The following SOBP variants were observed in gnomAD, a reference collection of about 807,000 sequenced individuals.
SOBP encodes sine oculis-binding protein homolog.
In SOBP, 4 loss-of-function variants were observed where a neutral mutation model predicts 53.6. The observed-to-expected ratio is 0.07, with a 90% CI of 0.04 to 0.17. The LOEUF (loss-of-function observed/expected upper bound fraction) is 0.17, where lower values mean the gene tolerates loss of function less well. SOBP is among the 10% of genes least tolerant of loss of function. SOBP has a pLI of 1.00. For missense variants in SOBP, 1,088 were observed against 1,204.7 expected (o/e 0.90, Z 1.43); for synonymous variants, 584 against 522.6 (o/e 1.12, Z -1.60).
rs1480185762 is a variant in SOBP, at chr6:107,490,277, G to T, written c.-340G>T. On this transcript the variant is annotated 5_prime_UTR_variant, in exon 1 of 7. Coordinates refer to ENST00000317357, the MANE Select transcript of SOBP (RefSeq NM_018013.4). The stretch of plus-strand genomic sequence containing the variant: ...GCCCGGCGGCGGCGGCGGCGGGAGC[G>T]GCAGCGGCAGCGAGGGCGGCAGGGG... 2 of 145,974 alleles carry T rather than the reference G, an allele frequency of 1.4e-5. No individual in the cohort carries two copies. Among genetic ancestry groups the T allele is most frequent in the East Asian group, 2.0e-4 (1 of 4,944 alleles). 9.0% of individuals were successfully genotyped at this position (145,974 alleles called of 1,614,324 possible). A position where few individuals can be genotyped will look rare whatever the true frequency, so the allele number is the denominator to read the frequency against.
intron 1 of SOBP, among the ~76,000 whole-genome samples, chr6:107,499,359 T>C (rs190047443): frequency 1.3e-5 from 2 of 152,300 alleles, no homozygotes; most frequent in Non-Finnish European, 2.9e-5. Context: ...ACCTAACACA[T>C]AGGGTTATTG....
chr6:107,507,586 G>A (rs146944020), intron 3 of SOBP, among the ~76,000 whole-genome samples: 1,945 of 152,252 alleles, frequency 0.013, 15 homozygotes, highest in Non-Finnish European at 0.02. Flanking sequence ...GATTACAGGT[G>A]TGAGCCACCA....
chr6:107,575,118 A>C (rs1214901462), intron 4 of SOBP, among the ~76,000 whole-genome samples: 1 of 152,140 alleles, frequency 6.6e-6, no homozygotes, highest in Admixed American at 6.5e-5. Context: ...TCAGAGCCCA[A>C]CTTTGCCTTT....
At chr6:107,495,211 TTAG>T (rs1230627144) in intron 1 of SOBP, among the ~76,000 whole-genome samples, 1 of 152,142 alleles carries the variant, frequency 6.6e-6, no homozygotes, top group Non-Finnish European at 1.5e-5. Flanking sequence ...GGGACTAATG[TTAG>T]TGGGCACATA....
chr6:107,499,243 T>G (rs1287819243), intron 1 of SOBP, among the ~76,000 whole-genome samples: 1 of 152,208 alleles, frequency 6.6e-6, no homozygotes. Context: ...GTTTTGACTT[T>G]ACTAGATCTC....
chr6:107,655,726 C>A (rs1772005037), intron 6 of SOBP, among the ~76,000 whole-genome samples: 1 of 152,096 alleles, frequency 6.6e-6, no homozygotes, highest in African/African-American at 2.4e-5. Flanking sequence ...GTTAAGGTTC[C>A]AGAATGGCTC....
At chr6:107,507,691 T>C (rs1783038307) in intron 3 of SOBP, among the ~76,000 whole-genome samples, 1 of 152,172 alleles carries the variant, frequency 6.6e-6, no homozygotes, top group Admixed American at 6.5e-5. Flanking sequence ...CTTCTTCCAA[T>C]GTGGCCCAGG....
At chr6:107,630,493 A>G (rs1407757587) in intron 5 of SOBP, among the ~76,000 whole-genome samples, 3 of 152,174 alleles carry the variant, frequency 2.0e-5, no homozygotes, top group Non-Finnish European at 2.9e-5. Context: ...GAAGTGTGTC[A>G]TTAGTTAGAT....
At chr6:107,530,216 GAA>G (rs1299590382) in intron 3 of SOBP, among the ~76,000 whole-genome samples, 1 of 151,346 alleles carries the variant, frequency 6.6e-6, no homozygotes, top group Non-Finnish European at 1.5e-5. Context: ...TTTTTAAGTA[GAA>G]AAAAAAATTT....
chr6:107,600,656 T>C (rs1444549090), intron 5 of SOBP, among the ~76,000 whole-genome samples: 1 of 152,232 alleles, frequency 6.6e-6, no homozygotes, highest in Non-Finnish European at 1.5e-5. Context: ...ATAAAGGCCT[T>C]GGAATCAGTT....
chr6:107,639,133 C>T (rs1296859444), intron 6 of SOBP, among the ~76,000 whole-genome samples: 1 of 152,124 alleles, frequency 6.6e-6, no homozygotes, highest in Non-Finnish European at 1.5e-5. Context: ...AAACTCCTGA[C>T]CTCAAGTGAT....
intron 4 of SOBP, among the ~76,000 whole-genome samples, chr6:107,535,876 A>G (rs1474917534): frequency 6.6e-6 from 1 of 152,148 alleles, no homozygotes; most frequent in African/African-American, 2.4e-5. Flanking sequence ...ACTGCTTGTA[A>G]TAAGCCCCTG....
In SOBP at chr6:107,498,681, T is replaced by C. The variant is rs370048760; in HGVS notation, c.97-4976T>C. Among the ~76,000 whole-genome samples the C allele has an allele frequency of 1.2e-4, 19 of 152,278 alleles. No homozygotes were observed. In the South Asian group the frequency reaches 1.5e-3, roughly 12 times the overall value. On this transcript the variant is annotated intron_variant, in intron 1 of 6. Transcript: ENST00000317357. ...TGATGAATATCCTGGCAGTGTAAGATGCAACAAAAATTATTTTGCTGGTAT... is the reference window on the plus strand; with the variant it reads ...TGATGAATATCCTGGCAGTGTAAGACGCAACAAAAATTATTTTGCTGGTAT...
intron 5 of SOBP, among the ~76,000 whole-genome samples, chr6:107,612,741 A>G (rs537361823): frequency 6.6e-6 from 1 of 152,178 alleles, no homozygotes; most frequent in Non-Finnish European, 1.5e-5. Flanking sequence ...TTATTAAGCA[A>G]TAATTCCTCA....
intron 5 of SOBP, among the ~76,000 whole-genome samples, chr6:107,605,678 C>T (rs1456916417): frequency 6.6e-6 from 1 of 152,228 alleles, no homozygotes; most frequent in Admixed American, 6.5e-5. Context: ...TCCTCAGACC[C>T]TGTGCCCTGG....
At chr6:107,617,156 C>T (rs1344665927) in intron 5 of SOBP, among the ~76,000 whole-genome samples, 3 of 152,152 alleles carry the variant, frequency 2.0e-5, no homozygotes, top group African/African-American at 4.8e-5. Context: ...TTGATGTGTG[C>T]GCTGGCTTTT....
chr6:107,595,356 T>TC (rs1425837110), intron 5 of SOBP, among the ~76,000 whole-genome samples: 1 of 149,956 alleles, frequency 6.7e-6, no homozygotes, highest in East Asian at 1.9e-4. Context: ...GATCCTTTTT[T>TC]TTTTTTTTTT....
Position 107,635,310 on chromosome 6 carries a change from C to T in SOBP, c.2466C>T (p.Pro822=). 3.7e-6 allele frequency: 6 copies of T among 1,613,788 alleles called. No homozygotes were observed. Among genetic ancestry groups the T allele is most frequent in the Non-Finnish European group, 4.2e-6 (5 of 1,180,024 alleles). ...ATGCCTATGCTCTGCGGATGCTGCC[C>T]AAGACCGGCTGCGTGATCCAGCCTG... is the stretch of plus-strand genomic sequence containing the variant. ...EDHAYALRML[P]KTGCVIQPVP... is the part of the protein sequence containing the mutation. The change falls in exon 6 of 7, where the codon CCC becomes CCT. Residue 822 remains proline, a synonymous_variant. Coordinates refer to ENST00000317357, the MANE Select transcript of SOBP (RefSeq NM_018013.4). This position sits in a 1 kb window ranked among gnomAD's most constrained non-coding sequence, Gnocchi z 4.5.
chr6:107,591,112 T>C (rs1034232821), intron 5 of SOBP, among the ~76,000 whole-genome samples: 6 of 152,198 alleles, frequency 3.9e-5, no homozygotes, highest in African/African-American at 1.4e-4. Flanking sequence ...CTAAGGATCA[T>C]AGACGCAAAG....
Sources: allele counts gnomAD v4.1 joint callset (sites outside exome capture counted in the v4.1 genomes callset), GRCh38; gene constraint gnomAD v4.1.1; non-coding constraint Gnocchi (gnomAD v3.1); transcripts MANE v1.5; gene names NCBI Gene and HGNC (gene_info 2026-07-23, HGNC 2026-07-21).